ABTB2: variants seen among roughly 807,000 people sequenced by gnomAD.
The protein encoded by ABTB2 is ankyrin repeat and BTB/POZ domain-containing protein 2.
Under a neutral mutation model 104.1 loss-of-function variants are expected in ABTB2, and 56 were observed. The ratio of observed to expected loss-of-function variants is 0.54; its 90% confidence interval spans 0.43 to 0.67. The LOEUF is 0.67. ABTB2 is among the 30% of genes least tolerant of loss of function. The pLI, the probability that ABTB2 is intolerant of heterozygous loss-of-function variation, is 0.00. For missense variants in ABTB2, 1,279 were observed against 1,407.7 expected, an observed-to-expected ratio of 0.91 and a Z score of 1.46; for synonymous variants, 606 against 608.2, an observed-to-expected ratio of 1.00 and a Z score of 0.05.
chr11:34,325,187 C>T (rs545063206), intron 1 of ABTB2, among the ~76,000 whole-genome samples: 1 of 152,248 alleles, frequency 6.6e-6, no homozygotes, highest in African/African-American at 2.4e-5. Flanking sequence ...AGAAGATATC[C>T]TATGAATATT....
intron 1 of ABTB2, among the ~76,000 whole-genome samples, chr11:34,310,003 G>C (rs957118483): frequency 2.0e-5 from 3 of 152,154 alleles, no homozygotes; most frequent in Admixed American, 2.0e-4. Context: ...CCTGACAGCG[G>C]CCTAGCGATC....
At chr11:34,335,564 C>A (rs1855184513) in intron 1 of ABTB2, 1 of 1,453,798 alleles carries the variant, frequency 6.9e-7, no homozygotes, top group South Asian at 1.2e-5. Flanking sequence ...GTATTGCACA[C>A]TCCACTCTGG....
At chr11:34,238,075 AT>A (rs1853868394) in intron 1 of ABTB2, among the ~76,000 whole-genome samples, 1 of 152,208 alleles carries the variant, frequency 6.6e-6, no homozygotes, top group African/African-American at 2.4e-5. Context: ...AATTAAATAA[AT>A]TTTAAAAAAT....
rs1855473003 is a variant in ABTB2, at chr11:34,356,929, T to G, written c.655A>C (p.Ile219Leu). The G allele has an allele frequency of 1.2e-6, 2 of 1,601,874 alleles. No homozygotes were observed. The highest frequency in any genetic ancestry group is 1.7e-6 in the Non-Finnish European group (2 of 1,174,616). ...GCGTACTCGTGGATGCGCACGGAGA[T>G]TCGGGTGTCCACCATCCAGCGGAAA... Reference protein sequence around the residue: ...RFFRWMVDTRISVRIHEYAAI... With the variant: ...RFFRWMVDTRLSVRIHEYAAI... Residue 219 changes from isoleucine to leucine, a missense_variant, in exon 1 of 17, where the codon ATC becomes CTC. Coordinates refer to ENST00000435224, the MANE Select transcript of ABTB2 (RefSeq NM_145804.3). This position sits in a 1 kb window ranked among gnomAD's most constrained non-coding sequence, Gnocchi z 4.6.
chr11:34,154,386 G>A lies in ABTB2; in HGVS notation c.2767-8C>T. 1 of 1,604,948 alleles carries A rather than the reference G, an allele frequency of 6.2e-7. No homozygotes were observed. The highest frequency in any genetic ancestry group is 8.5e-7 in the Non-Finnish European group (1 of 1,174,184). ...GCTGGCAGCTGACAGCAGCTGGTAG[G>A]GAGGCAGAGCAGGTCTTGGGGACCC... On this transcript the variant is annotated splice_region_variant and splice_polypyrimidine_tract_variant and intron_variant, in intron 15 of 16. Transcript: ENST00000435224. This position sits in a 1 kb window ranked among gnomAD's most constrained non-coding sequence, Gnocchi z 4.9.
chr11:34,174,533 T>G (rs1026860649), intron 3 of ABTB2, among the ~76,000 whole-genome samples: 1 of 152,172 alleles, frequency 6.6e-6, no homozygotes, highest in African/African-American at 2.4e-5. Context: ...CAGCCTGTGC[T>G]GGGCCCTGAC....
chr11:34,225,195 G>GGAGGGCA (rs1249749133), intron 1 of ABTB2, among the ~76,000 whole-genome samples: 37 of 152,216 alleles, frequency 2.4e-4, no homozygotes, highest in African/African-American at 8.4e-4. Flanking sequence ...TGGCCGTCAG[G>GGAGGGCA]GAGGGCAGAG....
At chr11:34,306,779 T>C (rs1854779675) in intron 1 of ABTB2, among the ~76,000 whole-genome samples, 1 of 151,786 alleles carries the variant, frequency 6.6e-6, no homozygotes, top group Non-Finnish European at 1.5e-5. Context: ...CACCACTTTC[T>C]TTAGTTATCT....
rs529454390 is a variant in ABTB2 at position 34,183,061 on chromosome 11, T to C, written c.1245-9754A>G. Among the ~76,000 whole-genome samples the C allele has an allele frequency of 2.6e-5, 4 of 152,226 alleles. No individual in the cohort carries two copies. In the South Asian group the frequency reaches 8.3e-4, roughly 32 times the overall value. On this transcript the variant is annotated intron_variant, in intron 3 of 16. Transcript: ENST00000435224. ...AACTCCTCCATCTTAGGGATGATGA[T>C]ATTAGGCACAGTAACCACAATTTGT...
intron 14 of ABTB2, among the ~76,000 whole-genome samples, chr11:34,156,874 C>G (rs551243955): frequency 6.6e-5 from 10 of 152,174 alleles, no homozygotes; most frequent in Non-Finnish European, 1.2e-4. Flanking sequence ...TTTGGCTATA[C>G]TGTAAGTTCA....
At chr11:34,254,957 G>A (rs11032581) in intron 1 of ABTB2, among the ~76,000 whole-genome samples, 9,027 of 152,144 alleles carry the variant, frequency 0.059, 342 homozygotes, top group South Asian at 0.093. Flanking sequence ...GAGCTACCAT[G>A]CCCAGCCCTG....
At chr11:34,348,859 A>G (rs781710451) in intron 1 of ABTB2, among the ~76,000 whole-genome samples, 27 of 152,004 alleles carry the variant, frequency 1.8e-4, no homozygotes, top group Non-Finnish European at 3.4e-4. Flanking sequence ...CTTTGTAACT[A>G]TCTGTATATA....
intron 1 of ABTB2, among the ~76,000 whole-genome samples, chr11:34,253,743 G>A (rs982922198): frequency 3.3e-5 from 5 of 151,580 alleles, no homozygotes; most frequent in South Asian, 2.1e-4. Context: ...CAAAATGTCT[G>A]TAGTTATTGC....
intron 2 of ABTB2, among the ~76,000 whole-genome samples, chr11:34,199,438 C>A (rs978088541): frequency 3.3e-5 from 5 of 152,210 alleles, no homozygotes; most frequent in Non-Finnish European, 5.9e-5. Context: ...TGGTTTCCAT[C>A]CCTGTGACCC....
chr11:34,240,615 T>TG (rs1473693327), intron 1 of ABTB2, among the ~76,000 whole-genome samples: 1 of 152,216 alleles, frequency 6.6e-6, no homozygotes, highest in Non-Finnish European at 1.5e-5. Context: ...TTTTTTGAGA[T>TG]GGGGTCTCAC....
chr11:34,321,983 A>C (rs375083272), intron 1 of ABTB2, among the ~76,000 whole-genome samples: 1 of 152,162 alleles, frequency 6.6e-6, no homozygotes, highest in Admixed American at 6.5e-5. Flanking sequence ...TGCTTCTGAC[A>C]CCGAAAGAGC....
intron 3 of ABTB2, among the ~76,000 whole-genome samples, chr11:34,181,918 C>T (rs1853032318): frequency 6.6e-6 from 1 of 152,220 alleles, no homozygotes; most frequent in African/African-American, 2.4e-5. Context: ...CAGAGCCAAG[C>T]ACTGGGGTTG....
intron 1 of ABTB2, among the ~76,000 whole-genome samples, chr11:34,276,542 C>A (rs117732532): frequency 1.1e-4 from 17 of 152,280 alleles, no homozygotes; most frequent in African/African-American, 3.4e-4. Context: ...GGCTCTCCCC[C>A]ATCCGGGCCT....
chr11:34,165,272 CCAG>C lies in ABTB2; in HGVS notation c.1837_1839del (p.Leu613del). 2 of 1,555,516 alleles carry C rather than the reference CCAG, an allele frequency of 1.3e-6. No homozygotes were observed. The highest frequency in any genetic ancestry group is 2.4e-5 in the South Asian group (2 of 84,212). Reference sequence around the variant, plus strand: ...AGCAGGTGCCTACCTGCCGCAGAGGCCAGCTGCAGGGGCGTCTCCGCATAGCTG... The same window carrying C: ...AGCAGGTGCCTACCTGCCGCAGAGGCCTGCAGGGGCGTCTCCGCATAGCTG... On this transcript the variant is annotated inframe_deletion, in exon 8 of 17. Coordinates refer to ENST00000435224, the MANE Select transcript of ABTB2 (RefSeq NM_145804.3).
Sources: allele counts gnomAD v4.1 joint callset (sites outside exome capture counted in the v4.1 genomes callset), GRCh38; gene constraint gnomAD v4.1.1; non-coding constraint Gnocchi (gnomAD v3.1); transcripts MANE v1.5; gene names NCBI Gene and HGNC (gene_info 2026-07-23, HGNC 2026-07-21).